The following ALKBH3 variants were observed in gnomAD, a reference collection of about 807,000 sequenced individuals.
The protein encoded by ALKBH3 is alpha-ketoglutarate-dependent dioxygenase alkB homolog 3.
In ALKBH3, 51 loss-of-function variants were observed where a neutral mutation model predicts 43.9. That is an observed-to-expected ratio of 1.16 (90% CI 0.93 to 1.47). The LOEUF is 1.47. ALKBH3 is among the 40% of genes most tolerant of loss of function. ALKBH3 has a pLI of 0.00. For synonymous variants in ALKBH3, 102 were observed against 115.2 expected, an observed-to-expected ratio of 0.89 and a Z score of 0.73; for missense variants, 361 against 351.9, an observed-to-expected ratio of 1.03 and a Z score of -0.21.
intron 3 of ALKBH3, 50 bp from the exon 4 acceptor site, chr11:43,883,933 C>T (rs1590364762): frequency 1.9e-6 from 3 of 1,605,300 alleles, no homozygotes; most frequent in South Asian, 1.1e-5. Context: ...AGTCAGTATC[C>T]TTGAGGATTA....
intron 8 of ALKBH3, among the ~76,000 whole-genome samples, chr11:43,908,791 T>A (rs936900111): frequency 1.3e-5 from 2 of 152,226 alleles, no homozygotes; most frequent in African/African-American, 4.8e-5. Context: ...TCATTGACAT[T>A]TCAATGTGTG....
chr11:43,898,328 A>G, intron 7 of ALKBH3: 1 of 716,622 alleles, frequency 1.4e-6, no homozygotes, highest in Non-Finnish European at 2.5e-6. Context: ...ATCATTTGTC[A>G]ATCTTTGGCG....
At chr11:43,898,640 G>T in intron 7 of ALKBH3, 1 of 729,326 alleles carries the variant, frequency 1.4e-6, no homozygotes, top group Non-Finnish European at 2.6e-6. Flanking sequence ...GTGAACATGC[G>T]CCACTTATGG....
chr11:43,914,011 G>T (rs1951962110), intron 8 of ALKBH3, among the ~76,000 whole-genome samples: 1 of 152,212 alleles, frequency 6.6e-6, no homozygotes, highest in Non-Finnish European at 1.5e-5. Context: ...CCACCTTTCT[G>T]CAGGCCCCTG....
intron 7 of ALKBH3, chr11:43,897,730 C>T: frequency 1.2e-6 from 1 of 801,228 alleles, no homozygotes; most frequent in South Asian, 1.3e-5. Flanking sequence ...CGGGAACGTA[C>T]TTTGCACATT....
At chr11:43,898,937 T>G (rs1014914354) in intron 7 of ALKBH3, 33 of 746,728 alleles carry the variant, frequency 4.4e-5, no homozygotes, top group African/African-American at 3.4e-4. Context: ...TCCCCAAATC[T>G]CTCTACTGGA....
chr11:43,895,539 A>T (rs1174328794), intron 7 of ALKBH3, among the ~76,000 whole-genome samples: 2 of 152,216 alleles, frequency 1.3e-5, no homozygotes, highest in Admixed American at 6.5e-5. Context: ...GTATGTCTTT[A>T]TTAGCAGCAT....
Position 43,911,898 on chromosome 11 carries a change from G to A in ALKBH3, c.670-7140G>A, listed in dbSNP as rs537059253. Among the ~76,000 whole-genome samples, 11 of 152,232 alleles carry A rather than the reference G, an allele frequency of 7.2e-5. No individual in the cohort carries two copies. The South Asian group carries it at 1.2e-3, about 17-fold the overall frequency. ...AGCACTTTGGGAGGCTGAGGTGGGC[G>A]GATCACAAGGTCGGGAGTTCGAGAC... On this transcript the variant is annotated intron_variant, in intron 8 of 9. Transcript: ENST00000302708.
intron 8 of ALKBH3, among the ~76,000 whole-genome samples, chr11:43,903,171 C>T (rs983964206): frequency 4.6e-5 from 7 of 152,024 alleles, no homozygotes; most frequent in South Asian, 2.1e-4. Flanking sequence ...TGGTAGTTGC[C>T]GGTGTTTTTT....
chr11:43,915,428 C>T lies in ALKBH3; in HGVS notation c.670-3610C>T, dbSNP rs1481211552. ...TAAATCAAGTGCCTTAAAGTTCATA[C>T]ACTTGGCTCCAGTAATTCCATTTTT... On this transcript the variant is annotated intron_variant, in intron 8 of 9. Coordinates refer to ENST00000302708, the MANE Select transcript of ALKBH3 (RefSeq NM_139178.4). 3.3e-5 allele frequency among the ~76,000 whole-genome samples: 5 copies of T among 152,292 alleles called. No individual in the cohort carries two copies. The East Asian group carries it at 7.7e-4, about 23-fold the overall frequency.
chr11:43,905,437 T>C (rs1057432760), intron 8 of ALKBH3, among the ~76,000 whole-genome samples: 1 of 150,716 alleles, frequency 6.6e-6, no homozygotes, highest in Non-Finnish European at 1.5e-5. Flanking sequence ...GGTTTTTTGT[T>C]TTTTGTTTTT....
intron 2 of ALKBH3, 155 bp from the exon 3 acceptor site, chr11:43,882,930 C>T (rs1951721837): frequency 2.5e-6 from 2 of 813,548 alleles, no homozygotes; most frequent in African/African-American, 1.7e-5. Context: ...TTAGTCCACA[C>T]CCTCAAACCT....
chr11:43,911,994 G>A lies in ALKBH3; in HGVS notation c.670-7044G>A, dbSNP rs148344682. ...AAAAAATAGGCAGGCGTGGTGGTGC[G>A]CGCCTGTAATGCCAGCTACTTAGGA... On this transcript the variant is annotated intron_variant, in intron 8 of 9. Transcript: ENST00000302708. 4.6e-3 allele frequency among the ~76,000 whole-genome samples: 703 copies of A among 152,120 alleles called. 7 individuals are homozygous for A. Among genetic ancestry groups the A allele is most frequent in the African/African-American group, 0.016 (666 of 41,492 alleles).
In ALKBH3 at chr11:43,920,029, G is replaced by C. The variant is rs1952014736; in HGVS notation, c.*19G>C. ...CTGGTGACGTCAGAGCTTTGAGAGA[G>C]AAGCTTCACTGAAACGGAGCAAACC... On this transcript the variant is annotated 3_prime_UTR_variant, in exon 10 of 10. Coordinates refer to ENST00000302708, the MANE Select transcript of ALKBH3 (RefSeq NM_139178.4). 1 of 1,602,312 alleles carries C rather than the reference G, an allele frequency of 6.2e-7. No homozygotes were observed. Among genetic ancestry groups the C allele is most frequent in the African/African-American group, 1.3e-5 (1 of 74,640 alleles).
rs1216052919 is a variant in ALKBH3 at position 43,898,500 on chromosome 11, AC to A, written c.460-3015del. ...TGGACACCAACGGCTTGGTGAGAGCACTCGGGGAGGAAGCCCTGCTGAGATA... is the reference window on the plus strand; with the variant it reads ...TGGACACCAACGGCTTGGTGAGAGCATCGGGGAGGAAGCCCTGCTGAGATA... On this transcript the variant is annotated intron_variant, in intron 7 of 9. Transcript: ENST00000302708. 1.2e-5 allele frequency: 11 copies of A among 942,436 alleles called. No homozygotes were observed. In the East Asian group the frequency reaches 2.3e-4, roughly 19 times the overall value. 58.4% of individuals were successfully genotyped at this position (942,436 alleles called of 1,614,324 possible). A position where few individuals can be genotyped will look rare whatever the true frequency, so the allele number is the denominator to read the frequency against.
At chr11:43,917,118 T>C (rs1028391933) in intron 8 of ALKBH3, among the ~76,000 whole-genome samples, 4 of 152,234 alleles carry the variant, frequency 2.6e-5, no homozygotes, top group African/African-American at 9.6e-5. Context: ...ATGTTGAATG[T>C]AATGTGTTCA....
intron 6 of ALKBH3, among the ~76,000 whole-genome samples, chr11:43,890,074 A>G (rs1173704477): frequency 6.6e-6 from 1 of 152,174 alleles, no homozygotes; most frequent in Admixed American, 6.5e-5. Context: ...CAAGGAACCA[A>G]AGGAAATTTG....
chr11:43,919,838 C>A, intron 9 of ALKBH3, 80 bp from the exon 10 acceptor site: 1 of 1,282,732 alleles, frequency 7.8e-7, no homozygotes, highest in Non-Finnish European at 1.1e-6. Flanking sequence ...TCTGCATTCT[C>A]ATGAATAAGT....
intron 7 of ALKBH3, chr11:43,897,964 C>A: frequency 1.3e-6 from 1 of 786,236 alleles, no homozygotes; most frequent in Non-Finnish European, 2.4e-6. Flanking sequence ...AACCTTTGTG[C>A]CCCATTGGAC....
Sources: gnomAD v4.1 joint callset for allele counts (sites outside exome capture counted in the v4.1 genomes callset) on GRCh38, gnomAD v4.1.1 for gene constraint, MANE v1.5 for transcripts, NCBI Gene and HGNC (gene_info 2026-07-23, HGNC 2026-07-21) for gene names.